TRPM3: variants seen among roughly 807,000 people sequenced by gnomAD.
The protein encoded by TRPM3 is transient receptor potential cation channel subfamily M member 3.
A neutral mutation model predicts 181.2 loss-of-function variants in TRPM3; 77 were observed. That is an observed-to-expected ratio of 0.42 (90% confidence interval 0.35 to 0.51). The LOEUF (loss-of-function observed/expected upper bound fraction) is 0.51. Among genes scored for constraint, TRPM3 ranks in the 20% least tolerant of loss-of-function variants. The probability of loss-of-function intolerance (pLI) is 0.01; values close to 1 mark genes in which losing one functional copy is unlikely to be tolerated. For missense variants in TRPM3, 1,759 were observed against 2,196.7 expected, an observed-to-expected ratio of 0.80 and a Z score of 3.98; for synonymous variants, 745 against 796.4, an observed-to-expected ratio of 0.94 and a Z score of 1.09.
intron 1 of TRPM3, among the ~76,000 whole-genome samples, chr9:71,233,899 A>G (rs1432673804): frequency 6.6e-6 from 1 of 152,216 alleles, no homozygotes; most frequent in Admixed American, 6.5e-5. Context: ...CACCAGAAGG[A>G]CTGGAACTAT....
chr9:70,819,339 T>C (rs1470476540), intron 6 of TRPM3, among the ~76,000 whole-genome samples: 2 of 152,212 alleles, frequency 1.3e-5, no homozygotes, highest in Non-Finnish European at 2.9e-5. Context: ...CTTAGGAACT[T>C]TATAATAAAA....
intron 1 of TRPM3, among the ~76,000 whole-genome samples, chr9:70,890,064 A>T (rs2096172958): frequency 6.8e-6 from 1 of 148,118 alleles, no homozygotes; most frequent in Non-Finnish European, 1.5e-5. Context: ...ATAATATACA[A>T]ATATAGTGTA....
chr9:71,133,292 C>CTTGTTTTTTTTTTTT (rs2074484588), intron 1 of TRPM3, among the ~76,000 whole-genome samples: 1 of 72,304 alleles, frequency 1.4e-5, no homozygotes. Flanking sequence ...TAGCAAATTG[C>CTTGTTTTTTTTTTTT]TTTTTTTTTT....
At chr9:71,214,525 A>T (rs1261041269) in intron 1 of TRPM3, among the ~76,000 whole-genome samples, 1 of 152,126 alleles carries the variant, frequency 6.6e-6, no homozygotes, top group East Asian at 1.9e-4. Context: ...TAGACACACT[A>T]ACTATAGCTA....
At chr9:71,037,395 C>T (rs1048503206) in intron 1 of TRPM3, among the ~76,000 whole-genome samples, 33 of 152,206 alleles carry the variant, frequency 2.2e-4, no homozygotes, top group African/African-American at 7.0e-4. Context: ...TTTAATTTTA[C>T]TGGGTTACAT....
chr9:70,574,068 C>A (rs1472574378), intron 22 of TRPM3, among the ~76,000 whole-genome samples: 1 of 142,604 alleles, frequency 7.0e-6, no homozygotes, highest in African/African-American at 2.6e-5. Flanking sequence ...ATCAGCAATT[C>A]ATGTCAGACA....
At chr9:71,032,765 T>C (rs2134714535) in intron 1 of TRPM3, among the ~76,000 whole-genome samples, 1 of 152,358 alleles carries the variant, frequency 6.6e-6, no homozygotes, top group African/African-American at 2.4e-5. Context: ...TGGCTATGCA[T>C]ACCACCATGG....
At chr9:71,281,269 G>T (rs1292438217) in intron 1 of TRPM3, among the ~76,000 whole-genome samples, 1 of 152,204 alleles carries the variant, frequency 6.6e-6, no homozygotes, top group South Asian at 2.1e-4. Flanking sequence ...ACGGGATAAA[G>T]AAGAGGCAAA....
At chr9:71,164,633 G>A (rs1478464578) in intron 1 of TRPM3, among the ~76,000 whole-genome samples, 4 of 152,108 alleles carry the variant, frequency 2.6e-5, no homozygotes, top group African/African-American at 4.8e-5. Context: ...GTGATTTTAA[G>A]GAGAAGGAGA....
chr9:71,121,337 C>G lies in TRPM3; in HGVS notation c.18G>C (p.Gly6=), dbSNP rs1464717447. 3.7e-6 allele frequency: 6 copies of G among 1,613,654 alleles called. No homozygotes were observed. The Admixed American group carries it at 1.0e-4, about 27-fold the overall frequency. The part of the protein sequence containing the change: MPEPW[G]TVYFLGIAQV... ...GAGCAATGCCTAGAAAATAAACGGT[C>G]CCCCACGGCTCTGGCATCCCATGGT... The change falls in exon 1 of 26, where the codon GGG becomes GGC. Residue 6 remains glycine, a synonymous_variant. Transcript: ENST00000677713.
At chr9:70,590,465 C>T (rs978924510) in intron 22 of TRPM3, among the ~76,000 whole-genome samples, 1 of 152,158 alleles carries the variant, frequency 6.6e-6, no homozygotes, top group Non-Finnish European at 1.5e-5. Context: ...TCCATACTTC[C>T]AGGCAATGAA....
chr9:70,955,093 G>C (rs929055245), intron 1 of TRPM3, among the ~76,000 whole-genome samples: 13 of 151,710 alleles, frequency 8.6e-5, no homozygotes, highest in Non-Finnish European at 1.3e-4. Context: ...TTTTTTCCCC[G>C]ACCTTTGTTT....
intron 1 of TRPM3, among the ~76,000 whole-genome samples, chr9:71,275,767 G>T (rs1260051741): frequency 1.3e-5 from 2 of 151,936 alleles, no homozygotes; most frequent in Non-Finnish European, 2.9e-5. Context: ...AAAATAGAGA[G>T]CCCCAAAATA....
intron 1 of TRPM3, among the ~76,000 whole-genome samples, chr9:70,897,137 A>C (rs1002242855): frequency 1.4e-5 from 2 of 145,028 alleles, no homozygotes; most frequent in Admixed American, 1.4e-4. Context: ...ATATACAATA[A>C]ATTCTTGTTA....
chr9:71,240,216 T>C (rs1465966081), intron 1 of TRPM3, among the ~76,000 whole-genome samples: 1 of 152,216 alleles, frequency 6.6e-6, no homozygotes, highest in Non-Finnish European at 1.5e-5. Flanking sequence ...CTTTAAAGCA[T>C]ATGTTGTAAA....
intron 22 of TRPM3, among the ~76,000 whole-genome samples, chr9:70,572,114 T>TTGTGTGTGTG (rs58492210): frequency 5.3e-4 from 79 of 149,964 alleles, no homozygotes; most frequent in African/African-American, 1.3e-3. Context: ...TCCCAGTTAC[T>TTGTGTGTGTG]TGTGTGTGTG....
chr9:71,386,075 A>G (rs1346135017), intron 1 of TRPM3, among the ~76,000 whole-genome samples: 1 of 152,166 alleles, frequency 6.6e-6, no homozygotes, highest in African/African-American at 2.4e-5. Flanking sequence ...GTGGCAATGC[A>G]AAGAATAGAG....
At chr9:71,308,276 G>A (rs1504399) in intron 1 of TRPM3, among the ~76,000 whole-genome samples, 7,221 of 151,944 alleles carry the variant, frequency 0.048, 411 homozygotes, top group African/African-American at 0.14. Flanking sequence ...AGAAATATTT[G>A]TTTCTTTAAA....
intron 9 of TRPM3, among the ~76,000 whole-genome samples, chr9:70,678,170 G>C (rs1216505220): frequency 6.6e-6 from 1 of 152,138 alleles, no homozygotes; most frequent in Non-Finnish European, 1.5e-5. Flanking sequence ...AGACAAATGT[G>C]ACATTGCCCA....
Sources: allele counts gnomAD v4.1 joint callset (sites outside exome capture counted in the v4.1 genomes callset), GRCh38; gene constraint gnomAD v4.1.1; transcripts MANE v1.5; gene names NCBI Gene and HGNC (gene_info 2026-07-23, HGNC 2026-07-21).